RBFOX1: variants seen among roughly 807,000 people sequenced by gnomAD.
RBFOX1 encodes RNA binding fox-1 homolog 1.
A neutral mutation model predicts 57.7 loss-of-function variants in RBFOX1; 8 were observed. The ratio of observed to expected loss-of-function variants is 0.14; its 90% CI spans 0.08 to 0.25. RBFOX1 has a LOEUF of 0.25. Ranked by LOEUF, RBFOX1 falls within the 10% of genes least tolerant of loss-of-function variation. RBFOX1 has a pLI of 1.00. For synonymous variants in RBFOX1, 326 were observed against 222.4 expected (o/e 1.47, Z -4.15); for missense variants, 611 against 548.5 (o/e 1.11, Z -1.14).
chr16:5,680,097 C>T (rs990386215), intron 3 of RBFOX1, among the ~76,000 whole-genome samples: 8 of 152,066 alleles, frequency 5.3e-5, no homozygotes, highest in African/African-American at 1.7e-4. Context: ...TCAACAAAGG[C>T]GTCAGAAGAG....
intron 1 of RBFOX1, among the ~76,000 whole-genome samples, chr16:5,426,549 A>T (rs944372054): frequency 6.6e-6 from 1 of 152,154 alleles, no homozygotes; most frequent in Admixed American, 6.5e-5. Flanking sequence ...AGACTGTGCA[A>T]AAACACTTTC....
intron 4 of RBFOX1, among the ~76,000 whole-genome samples, chr16:7,455,395 C>G (rs774573420): frequency 9.9e-5 from 15 of 152,154 alleles, no homozygotes; most frequent in Non-Finnish European, 2.1e-4. Flanking sequence ...TCTATCCAGC[C>G]TTACTCTCCA....
chr16:7,302,850 C>T (rs1317746708), intron 4 of RBFOX1, among the ~76,000 whole-genome samples: 5 of 150,664 alleles, frequency 3.3e-5, no homozygotes, highest in African/African-American at 1.2e-4. Context: ...ATGAAATCTA[C>T]TAATGAATAA....
intron 2 of RBFOX1, among the ~76,000 whole-genome samples, chr16:6,435,410 C>G (rs1000413190): frequency 6.6e-6 from 1 of 152,160 alleles, no homozygotes; most frequent in East Asian, 1.9e-4. Flanking sequence ...AAGTGATTCT[C>G]CTGCCTCAGC....
At chr16:7,422,550 C>G (rs1404008231) in intron 4 of RBFOX1, among the ~76,000 whole-genome samples, 2 of 152,124 alleles carry the variant, frequency 1.3e-5, no homozygotes, top group Non-Finnish European at 2.9e-5. Flanking sequence ...AATGAGAAGT[C>G]AAATCAAATA....
At chr16:7,489,457 T>C (rs1487567380) in intron 4 of RBFOX1, among the ~76,000 whole-genome samples, 1 of 152,128 alleles carries the variant, frequency 6.6e-6, no homozygotes, top group Non-Finnish European at 1.5e-5. Flanking sequence ...TAGCTTCTTT[T>C]GCTGTTCCTA....
chr16:7,161,409 T>C (rs73548699), intron 4 of RBFOX1, among the ~76,000 whole-genome samples: 1,539 of 152,336 alleles, frequency 0.01, 21 homozygotes, highest in African/African-American at 0.035. Context: ...TATACCTAAG[T>C]GTATAAATAA....
intron 3 of RBFOX1, among the ~76,000 whole-genome samples, chr16:5,854,421 A>C (rs757280563): frequency 3.9e-5 from 6 of 152,174 alleles, no homozygotes; most frequent in Non-Finnish European, 8.8e-5. Flanking sequence ...GTATTAGTGA[A>C]ATCATGTAGT....
Position 5,506,481 on chromosome 16 carries a change from T to C in RBFOX1, c.258+39227T>C, listed in dbSNP as rs181241780. Among the ~76,000 whole-genome samples, 320 of 152,290 alleles carry C rather than the reference T, an allele frequency of 2.1e-3. 4 individuals are homozygous for C. The highest frequency in any genetic ancestry group is 7.3e-3 in the African/African-American group (304 of 41,570). On this transcript the variant is annotated intron_variant, in intron 2 of 2. Coordinates refer to the RBFOX1 transcript ENST00000585867. Reference sequence around the variant, plus strand: ...CAGAGAAAAACAAACAAATTAGGAATGTCCCCAGTGCAAAATGAATATAAA... The same window carrying C: ...CAGAGAAAAACAAACAAATTAGGAACGTCCCCAGTGCAAAATGAATATAAA...
intron 4 of RBFOX1, among the ~76,000 whole-genome samples, chr16:7,303,860 C>G (rs1603615741): frequency 6.6e-6 from 1 of 151,668 alleles, no homozygotes; most frequent in Non-Finnish European, 1.5e-5. Context: ...CCCTCCCTCC[C>G]TCTCGCTATC....
At chr16:6,016,976 G>A (rs2094997677), upstream of RBFOX1, among the ~76,000 whole-genome samples, 1 of 152,102 alleles carries the variant, frequency 6.6e-6, no homozygotes, top group African/African-American at 2.4e-5. Context: ...AGCAATACAG[G>A]TACCAGTGAG....
chr16:6,707,303 C>T (rs937637943), intron 3 of RBFOX1, among the ~76,000 whole-genome samples: 29 of 152,136 alleles, frequency 1.9e-4, no homozygotes, highest in Admixed American at 1.2e-3. Context: ...CTGAGACAGA[C>T]GCATTTCCTC....
intron 3 of RBFOX1, among the ~76,000 whole-genome samples, chr16:6,759,353 G>C (rs750816248): frequency 2.7e-4 from 41 of 152,032 alleles, no homozygotes; most frequent in Admixed American, 7.2e-4. Flanking sequence ...GTTTAGTCGT[G>C]TTGGCCAGGC....
intron 4 of RBFOX1, chr16:7,332,710 A>C: frequency 1.8e-6 from 2 of 1,098,288 alleles, no homozygotes; most frequent in Non-Finnish European, 2.4e-6. Flanking sequence ...AATGAAGAGT[A>C]TTTGGTTAGT....
intron 1 of RBFOX1, among the ~76,000 whole-genome samples, chr16:6,176,406 G>T (rs532042355): frequency 7.0e-6 from 1 of 142,426 alleles, no homozygotes; most frequent in Non-Finnish European, 1.5e-5. Flanking sequence ...TCATCCGCCC[G>T]CCTCAGCCTC....
In RBFOX1 at chr16:6,396,527, G is replaced by T. The variant is rs183862115; in HGVS notation, c.-64+79470G>T. ...CATATTTATATAAAAGAGGCTCTAGGGGAGCCCGTGGGAAGCCATAGCTGG... is the reference window on the plus strand; with the variant it reads ...CATATTTATATAAAAGAGGCTCTAGTGGAGCCCGTGGGAAGCCATAGCTGG... On this transcript the variant is annotated intron_variant, in intron 2 of 15. Transcript: ENST00000550418. 1.6e-3 allele frequency among the ~76,000 whole-genome samples: 237 copies of T among 152,288 alleles called. 1 individual carries two copies. The highest frequency in any genetic ancestry group is 5.6e-3 in the African/African-American group (231 of 41,568).
At chr16:6,418,519 ATTTTTT>A (rs567448072) in intron 2 of RBFOX1, among the ~76,000 whole-genome samples, 9,869 of 100,816 alleles carry the variant, frequency 0.098, 326 homozygotes, top group East Asian at 0.19. Context: ...TGCAAGCCTT[ATTTTTT>A]TTTTTTTTTT....
At chr16:6,669,009 T>C (rs571535485) in intron 3 of RBFOX1, among the ~76,000 whole-genome samples, 1 of 152,052 alleles carries the variant, frequency 6.6e-6, no homozygotes, top group Non-Finnish European at 1.5e-5. Flanking sequence ...AGTTGGTGGG[T>C]TTTATTATCC....
chr16:5,648,955 T>C (rs1014813429), intron 3 of RBFOX1, among the ~76,000 whole-genome samples: 26 of 151,938 alleles, frequency 1.7e-4, no homozygotes, highest in African/African-American at 5.5e-4. Context: ...TCCCAGCTAC[T>C]TGGGAGGCTG....
Sources: gnomAD v4.1 joint callset for allele counts (sites outside exome capture counted in the v4.1 genomes callset) on GRCh38, gnomAD v4.1.1 for gene constraint, MANE v1.5 for transcripts, NCBI Gene and HGNC (gene_info 2026-07-23, HGNC 2026-07-21) for gene names.